Variants in RAP1GAP2 observed in about 807,000 individuals in gnomAD.
The protein encoded by RAP1GAP2 is RAP1 GTPase activating protein 2.
Under a neutral mutation model 95.0 loss-of-function variants are expected in RAP1GAP2, and 27 were observed. That is an observed-to-expected ratio of 0.28 (90% CI 0.21 to 0.39). The LOEUF (loss-of-function observed/expected upper bound fraction) is 0.39, where lower values mean the gene tolerates loss of function less well. RAP1GAP2 is among the 10% of genes least tolerant of loss of function. The pLI, the probability that RAP1GAP2 is intolerant of heterozygous loss-of-function variation, is 1.00. For missense variants in RAP1GAP2, 771 were observed against 970.0 expected (o/e 0.79, Z 2.72); for synonymous variants, 373 against 380.9 (o/e 0.98, Z 0.24).
chr17:2,885,181 C>T (rs1308902004), intron 2 of RAP1GAP2, among the ~76,000 whole-genome samples: 5 of 152,010 alleles, frequency 3.3e-5, no homozygotes, highest in Admixed American at 1.3e-4. Flanking sequence ...TACAGGCACC[C>T]GCCACCACGC....
At chr17:2,885,884 A>G (rs2073478070) in intron 2 of RAP1GAP2, among the ~76,000 whole-genome samples, 1 of 152,124 alleles carries the variant, frequency 6.6e-6, no homozygotes, top group South Asian at 2.1e-4. Context: ...ATTGACATTG[A>G]TGCATCATCT....
At chr17:2,959,745 C>T (rs1016767637) in intron 4 of RAP1GAP2, among the ~76,000 whole-genome samples, 6 of 152,198 alleles carry the variant, frequency 3.9e-5, no homozygotes, top group African/African-American at 1.2e-4. Context: ...CTAACCCTGA[C>T]GCTTTCTAGC....
intron 2 of RAP1GAP2, among the ~76,000 whole-genome samples, chr17:2,888,165 A>G (rs1283679573): frequency 6.6e-6 from 1 of 152,078 alleles, no homozygotes; most frequent in Admixed American, 6.6e-5. Flanking sequence ...AATTATACCT[A>G]TTTTGGGGGT....
At chr17:2,886,558 G>T (rs1023294379) in intron 2 of RAP1GAP2, among the ~76,000 whole-genome samples, 6 of 152,174 alleles carry the variant, frequency 3.9e-5, no homozygotes, top group Non-Finnish European at 5.9e-5. Flanking sequence ...TCCAAGAATG[G>T]GTTATTGGTA....
At chr17:2,927,878 C>T (rs988253452) in intron 3 of RAP1GAP2, among the ~76,000 whole-genome samples, 1 of 152,192 alleles carries the variant, frequency 6.6e-6, no homozygotes, top group Non-Finnish European at 1.5e-5. Context: ...CATTGCTTTG[C>T]GAGCCCGTGA....
chr17:3,020,578 C>T lies in RAP1GAP2; in HGVS notation c.1734C>T (p.Gly578=), dbSNP rs939637299. ...TGCACACGGGCTCAGAAGGCCAGGG[C>T]GACAGCCGGGCACGATGGTAACTGT... The part of the protein sequence containing the change: ...PRLHTGSEGQ[G]DSRARCDSTS... Residue 578 remains glycine (G), a synonymous_variant, in exon 19 of 25, where the codon GGC becomes GGT. Transcript: ENST00000254695. 19 of 1,613,580 alleles carry T rather than the reference C, an allele frequency of 1.2e-5. No individual in the cohort carries two copies. The highest frequency in any genetic ancestry group is 2.2e-5 in the South Asian group (2 of 91,022).
At chr17:2,760,633 G>A (rs1046136878) in intron 1 of RAP1GAP2, among the ~76,000 whole-genome samples, 1 of 151,662 alleles carries the variant, frequency 6.6e-6, no homozygotes, top group African/African-American at 2.4e-5. Context: ...GAGCCACCGC[G>A]CCTGGCCAAC....
intron 1 of RAP1GAP2, among the ~76,000 whole-genome samples, chr17:2,784,068 G>T (rs1209240447): frequency 6.6e-6 from 1 of 151,618 alleles, no homozygotes; most frequent in African/African-American, 2.4e-5. Context: ...TACCTCCCGG[G>T]TTTAAGTGAT....
At chr17:2,784,014 C>T (rs946173174) in intron 1 of RAP1GAP2, among the ~76,000 whole-genome samples, 9 of 152,250 alleles carry the variant, frequency 5.9e-5, no homozygotes, top group African/African-American at 2.2e-4. Context: ...GCTCTGTTGC[C>T]CAGGGTGGAA....
At chr17:2,812,505 C>T (rs1253503861) in intron 2 of RAP1GAP2, among the ~76,000 whole-genome samples, 2 of 152,158 alleles carry the variant, frequency 1.3e-5, no homozygotes, top group Non-Finnish European at 2.9e-5. Flanking sequence ...GGCCCGAAGG[C>T]AGACCTTGAT....
chr17:2,764,444 C>G (rs2068240429), intron 1 of RAP1GAP2, among the ~76,000 whole-genome samples: 1 of 128,774 alleles, frequency 7.8e-6, no homozygotes, highest in African/African-American at 3.0e-5. Context: ...AATAGAAGGC[C>G]AGGCGCGGTG....
At chr17:2,962,620 G>A (rs2044387913) in intron 4 of RAP1GAP2, 50 bp from the exon 5 acceptor site, 2 of 1,531,874 alleles carry the variant, frequency 1.3e-6, no homozygotes, top group East Asian at 4.8e-5. Flanking sequence ...ATCTGGCCCT[G>A]TCTTCTGACC....
chr17:2,770,179 C>T (rs140671472), intron 1 of RAP1GAP2: 15 of 394,414 alleles, frequency 3.8e-5, no homozygotes, highest in Non-Finnish European at 5.8e-5. Context: ...TTAATGATGG[C>T]CCTCTGGAAA....
upstream of RAP1GAP2, among the ~76,000 whole-genome samples, chr17:2,776,343 C>T (rs2151439904): frequency 6.6e-6 from 1 of 152,294 alleles, no homozygotes; most frequent in South Asian, 2.1e-4. Context: ...GCCCCCAGGC[C>T]TCACCGCACC....
chr17:2,970,273 C>CAAAAAAAAAAA (rs869121536), intron 8 of RAP1GAP2, among the ~76,000 whole-genome samples: 17 of 109,562 alleles, frequency 1.6e-4, no homozygotes, highest in East Asian at 9.5e-4. Flanking sequence ...GACTCTGTCT[C>CAAAAAAAAAAA]AAAAAAAAAA....
intron 2 of RAP1GAP2, among the ~76,000 whole-genome samples, chr17:2,838,558 T>C (rs1439413376): frequency 6.6e-6 from 1 of 152,158 alleles, no homozygotes; most frequent in Non-Finnish European, 1.5e-5. Flanking sequence ...GGGGTGATTC[T>C]TCCACAGATG....
At chr17:2,769,112 G>C (rs115912839) in intron 1 of RAP1GAP2, among the ~76,000 whole-genome samples, 3,051 of 151,722 alleles carry the variant, frequency 0.02, 99 homozygotes, top group African/African-American at 0.069. Flanking sequence ...TGTGCCTGCA[G>C]TCCTAGCTAC....
intron 3 of RAP1GAP2, among the ~76,000 whole-genome samples, chr17:2,949,048 G>C (rs1331854674): frequency 6.6e-6 from 1 of 152,188 alleles, no homozygotes; most frequent in African/African-American, 2.4e-5. Context: ...AGACTTCTCT[G>C]CCTTTCTGAA....
rs542418740 is a variant in RAP1GAP2, at chr17:2,984,015, G to A, written c.730-968G>A. 3.9e-5 allele frequency among the ~76,000 whole-genome samples: 6 copies of A among 152,328 alleles called. 1 individual carries two copies. The highest frequency in any genetic ancestry group is 1.4e-4 in the African/African-American group (6 of 41,568). ...GATGAGGAAACTCAGCTCCAGAGAAGCAGCTCACTCAAAGCTACATAGGTA... is the reference window on the plus strand; with the variant it reads ...GATGAGGAAACTCAGCTCCAGAGAAACAGCTCACTCAAAGCTACATAGGTA... On this transcript the variant is annotated intron_variant, in intron 10 of 24. Transcript: ENST00000254695.
Sources: allele counts gnomAD v4.1 joint callset (sites outside exome capture counted in the v4.1 genomes callset), GRCh38; gene constraint gnomAD v4.1.1; transcripts MANE v1.5; gene names NCBI Gene and HGNC (gene_info 2026-07-23, HGNC 2026-07-21).